The following KIAA0825 variants were observed in gnomAD, a reference collection of about 807,000 sequenced individuals.
KIAA0825 encodes the protein KIAA0825, also known as uncharacterized protein KIAA0825.
A neutral mutation model predicts 147.6 loss-of-function variants in KIAA0825; 119 were observed. The ratio of observed to expected loss-of-function variants is 0.81; its 90% CI spans 0.69 to 0.94. The LOEUF (loss-of-function observed/expected upper bound fraction) is 0.94, where lower values mean the gene tolerates loss of function less well. Ranked by LOEUF, KIAA0825 falls within the 40% of genes least tolerant of loss-of-function variation. The probability of loss-of-function intolerance (pLI) is 0.00; values close to 1 mark genes in which losing one functional copy is unlikely to be tolerated. For missense variants in KIAA0825, 1,381 were observed against 1,472.7 expected, an observed-to-expected ratio of 0.94 and a Z score of 1.02; for synonymous variants, 470 against 518.1, an observed-to-expected ratio of 0.91 and a Z score of 1.26.
Position 94,156,988 on chromosome 5 carries a change from T to TA in KIAA0825, c.3711-2865dup, listed in dbSNP as rs71615117. On this transcript the variant is annotated intron_variant, in intron 20 of 20. Coordinates refer to ENST00000682413, the MANE Select transcript of KIAA0825 (RefSeq NM_001145678.3). ...TGCAAAAACAACAAGTCAATTCTGTTAAAAAAAAAATACTGAAAGAGAAAA... is the reference window on the plus strand; with the variant it reads ...TGCAAAAACAACAAGTCAATTCTGTTAAAAAAAAAAATACTGAAAGAGAAAA... Among the ~76,000 whole-genome samples, 142 of 149,406 alleles carry TA rather than the reference T, an allele frequency of 9.5e-4. 1 individual carries two copies. The highest frequency in any genetic ancestry group is 2.5e-3 in the African/African-American group (103 of 40,926).
At chr5:94,433,977 AG>A (rs1275267767) in intron 14 of KIAA0825, among the ~76,000 whole-genome samples, 1 of 152,220 alleles carries the variant, frequency 6.6e-6, no homozygotes, top group East Asian at 1.9e-4. Context: ...GAAACCTGTA[AG>A]GCCATGTGGC....
chr5:94,500,063 A>G (rs539338825), intron 5 of KIAA0825, among the ~76,000 whole-genome samples: 14 of 152,346 alleles, frequency 9.2e-5, no homozygotes, highest in African/African-American at 3.4e-4. Flanking sequence ...CATCATGAGC[A>G]GAGCTTTCTG....
At chr5:94,347,519 A>G (rs904414829) in intron 20 of KIAA0825, among the ~76,000 whole-genome samples, 2 of 152,072 alleles carry the variant, frequency 1.3e-5, no homozygotes, top group African/African-American at 4.8e-5. Context: ...TGCTGGGAAG[A>G]CTCGCTGGGT....
At position 94,152,844 on chromosome 5, in the gene KIAA0825, AAAAAAAAAAAATTATATATAT is replaced by A. The variant is rs1766620144; in HGVS notation, c.*1142_*1162del. On this transcript the variant is annotated 3_prime_UTR_variant, in exon 21 of 21. Coordinates refer to ENST00000682413, the MANE Select transcript of KIAA0825 (RefSeq NM_001145678.3). Reference sequence around the variant, plus strand: ...ATGAAAAAAAAAAAAAAAAAAAAAAAAAAAAAAAAAATTATATATATATATATATATATATATATATATATA... The same window carrying A: ...ATGAAAAAAAAAAAAAAAAAAAAAAAATATATATATATATATATATATATA... The A allele has an allele frequency of 6.6e-4, 24 of 36,284 alleles. No individual in the cohort carries two copies. Among genetic ancestry groups the A allele is most frequent in the East Asian group, 1.7e-3 (3 of 1,746 alleles). The allele number at this position is 36,284 out of a possible 1,614,324, so 2.2% of individuals were successfully genotyped here.
At chr5:94,556,308 C>A (rs1776538026) in intron 2 of KIAA0825, among the ~76,000 whole-genome samples, 1 of 151,978 alleles carries the variant, frequency 6.6e-6, no homozygotes, top group South Asian at 2.1e-4. Flanking sequence ...TGGAAGTGAT[C>A]CGCCTGCCTC....
intron 20 of KIAA0825, among the ~76,000 whole-genome samples, chr5:94,205,630 A>C (rs1772125451): frequency 6.6e-6 from 1 of 152,026 alleles, no homozygotes; most frequent in African/African-American, 2.4e-5. Context: ...ACTTTGATTC[A>C]TCTCTTGCTT....
At position 94,186,685 on chromosome 5, in the gene KIAA0825, A is replaced by G. The variant is rs73773585; in HGVS notation, c.3711-32561T>C. Reference sequence around the variant, plus strand: ...CATAATCCTGCTCAGAGATAGACCAATCATGTATACACACGAAGGAGCTAC... The same window carrying G: ...CATAATCCTGCTCAGAGATAGACCAGTCATGTATACACACGAAGGAGCTAC... On this transcript the variant is annotated intron_variant, in intron 20 of 20. Coordinates refer to ENST00000682413, the MANE Select transcript of KIAA0825 (RefSeq NM_001145678.3). Among the ~76,000 whole-genome samples, 630 of 152,318 alleles carry G rather than the reference A, an allele frequency of 4.1e-3. 7 individuals are homozygous for G. Among genetic ancestry groups the G allele is most frequent in the African/African-American group, 0.014 (601 of 41,578 alleles).
chr5:94,320,174 T>C (rs1780025236), intron 20 of KIAA0825, among the ~76,000 whole-genome samples: 1 of 152,016 alleles, frequency 6.6e-6, no homozygotes, highest in African/African-American at 2.4e-5. Context: ...TAGCTTTTAT[T>C]ACTACCTGAC....
Position 94,462,443 on chromosome 5 carries a change from A to G in KIAA0825, c.2190T>C (p.Cys730=), listed in dbSNP as rs1291801477. 8 of 1,505,258 alleles carry G rather than the reference A, an allele frequency of 5.3e-6. No homozygotes were observed. In the Middle Eastern group the frequency reaches 5.2e-4, roughly 98 times the overall value. 93.2% of individuals were successfully genotyped at this position (1,505,258 alleles called of 1,614,324 possible). Residue 730 remains cysteine, a synonymous_variant, in exon 12 of 21, where the codon TGT becomes TGC. Coordinates refer to ENST00000682413, the MANE Select transcript of KIAA0825 (RefSeq NM_001145678.3). ...DDKIFKIHTH[C]NNLFTTLVIL... ...TGACTAATGTTGTAAACAGATTATT[A>G]CAATGAGTGTGAATTTTAAAAATTT...
intron 20 of KIAA0825, among the ~76,000 whole-genome samples, chr5:94,357,527 A>C (rs1011773230): frequency 1.3e-5 from 2 of 152,202 alleles, no homozygotes; most frequent in Admixed American, 6.5e-5. Context: ...TCTTAAAGAC[A>C]AAAGAGGCGG....
chr5:94,597,732 A>C (rs974359710), intron 1 of KIAA0825, among the ~76,000 whole-genome samples: 1 of 152,128 alleles, frequency 6.6e-6, no homozygotes, highest in African/African-American at 2.4e-5. Context: ...ACAAACATCA[A>C]TGGTATAGCC....
chr5:94,598,760 T>C (rs2152412772), intron 1 of KIAA0825, among the ~76,000 whole-genome samples: 1 of 152,274 alleles, frequency 6.6e-6, no homozygotes, highest in Admixed American at 6.5e-5. Flanking sequence ...AAGGAATTTT[T>C]CAGATCCATG....
At chr5:94,210,855 A>G (rs1772645720) in intron 20 of KIAA0825, among the ~76,000 whole-genome samples, 1 of 152,222 alleles carries the variant, frequency 6.6e-6, no homozygotes, top group Non-Finnish European at 1.5e-5. Flanking sequence ...CCTGGAGTAT[A>G]ATGACACGAG....
In KIAA0825 at chr5:94,151,841, T is replaced by G. The variant is rs1373508573; in HGVS notation, c.*2166A>C. Among the ~76,000 whole-genome samples the G allele has an allele frequency of 6.6e-6, 1 of 152,236 alleles. No homozygotes were observed. The highest frequency in any genetic ancestry group is 1.9e-4 in the East Asian group (1 of 5,198). On this transcript the variant is annotated 3_prime_UTR_variant, in exon 21 of 21. Transcript: ENST00000682413. ...GTATCTAGTTTATTGGATTAATTTA[T>G]TTTTAACTTTCCATTTTTGCATCTT...
At chr5:94,514,885 AAAG>A (rs1766986963) in intron 5 of KIAA0825, among the ~76,000 whole-genome samples, 1 of 152,170 alleles carries the variant, frequency 6.6e-6, no homozygotes, top group South Asian at 2.1e-4. Context: ...TCCTTAAACA[AAAG>A]AACAAGGGAC....
chr5:94,222,530 T>A (rs1325491047), intron 20 of KIAA0825, among the ~76,000 whole-genome samples: 1 of 152,170 alleles, frequency 6.6e-6, no homozygotes, highest in East Asian at 1.9e-4. Flanking sequence ...TTCTTGATGG[T>A]GGCAAAAGAG....
intron 5 of KIAA0825, among the ~76,000 whole-genome samples, chr5:94,497,432 A>G (rs1010917843): frequency 2.4e-4 from 36 of 152,212 alleles, no homozygotes; most frequent in African/African-American, 8.2e-4. Context: ...TATGTAATTT[A>G]TATTAGAGAA....
intron 20 of KIAA0825, among the ~76,000 whole-genome samples, chr5:94,321,361 A>G (rs1188133135): frequency 3.9e-5 from 6 of 152,006 alleles, no homozygotes; most frequent in Admixed American, 6.6e-5. Flanking sequence ...AAAATAACTG[A>G]TATCTATAAA....
At chr5:94,408,492 ACC>A (rs1482613030) in intron 15 of KIAA0825, among the ~76,000 whole-genome samples, 6 of 150,848 alleles carry the variant, frequency 4.0e-5, no homozygotes, top group African/African-American at 1.5e-4. Context: ...GATTACAGGC[ACC>A]CACCACCACA....
Sources: gnomAD v4.1 joint callset for allele counts (sites outside exome capture counted in the v4.1 genomes callset) on GRCh38, gnomAD v4.1.1 for gene constraint, MANE v1.5 for transcripts, NCBI Gene and HGNC (gene_info 2026-07-23, HGNC 2026-07-21) for gene names.